RARA: variants seen among roughly 807,000 people sequenced by gnomAD.
RARA encodes PML-DDX5-RARA fusion.
RARA carries 5 observed loss-of-function variants against 42.8 expected under a neutral mutation model. The ratio of observed to expected loss-of-function variants is 0.12; its 90% CI spans 0.06 to 0.25. The LOEUF (loss-of-function observed/expected upper bound fraction) is 0.25. Ranked by LOEUF, RARA falls within the 10% of genes least tolerant of loss-of-function variation. The probability of loss-of-function intolerance (pLI) is 1.00; values close to 1 mark genes in which losing one functional copy is unlikely to be tolerated. For synonymous variants in RARA, 256 were observed against 259.5 expected, an observed-to-expected ratio of 0.99 and a Z score of 0.13; for missense variants, 402 against 628.7, an observed-to-expected ratio of 0.64 and a Z score of 3.86.
chr17:40,338,537 C>T (rs2033925507), intron 2 of RARA, among the ~76,000 whole-genome samples: 1 of 152,098 alleles, frequency 6.6e-6, no homozygotes, highest in South Asian at 2.1e-4. Context: ...AAATCTGTTT[C>T]CTCCTCCTTA....
intron 4 of RARA, 166 bp downstream of exon 4, chr17:40,350,091 C>T: frequency 9.0e-7 from 1 of 1,106,440 alleles, no homozygotes; most frequent in African/African-American, 1.6e-5. Context: ...CTGCAAGGAC[C>T]TGTTTGCGAG....
intron 2 of RARA, among the ~76,000 whole-genome samples, chr17:40,338,788 T>C (rs1324003443): frequency 1.3e-5 from 2 of 150,826 alleles, no homozygotes; most frequent in East Asian, 1.9e-4. Context: ...GGTGGGAGGA[T>C]TGCTTGAGCT....
chr17:40,344,365 T>C (rs893083209), intron 2 of RARA, among the ~76,000 whole-genome samples: 3 of 152,092 alleles, frequency 2.0e-5, no homozygotes, highest in African/African-American at 7.2e-5. Flanking sequence ...AGGACCCTTT[T>C]TCTCATTCTC....
At position 40,352,136 on chromosome 17, in the gene RARA, C is replaced by G. The variant is rs1160930825; in HGVS notation, c.630+66C>G. The stretch of plus-strand genomic sequence containing the variant: ...GGCCACAGGGCCAGGATGGGCCCCT[C>G]TCAGGCACCCCTTCTTGTGCCAGGC... On this transcript the variant is annotated intron_variant, in intron 5 of 8. Transcript: ENST00000254066. The surrounding 1 kb of genome is among the most constrained non-coding windows in gnomAD (Gnocchi z 4.9). The G allele has an allele frequency of 2.7e-6, 4 of 1,475,752 alleles. No individual in the cohort carries two copies. Among genetic ancestry groups the G allele is most frequent in the Non-Finnish European group, 3.6e-6 (4 of 1,116,698 alleles). The allele number at this position is 1,475,752 out of a possible 1,614,324, so 91.4% of individuals were successfully genotyped here. A position where few individuals can be genotyped will look rare whatever the true frequency, so the allele number is the denominator to read the frequency against.
chr17:40,323,836 T>TGG (rs1177221505), intron 1 of RARA, among the ~76,000 whole-genome samples: 1 of 21,550 alleles, frequency 4.6e-5, no homozygotes, highest in Non-Finnish European at 9.4e-5. Context: ...CAGGACTTGG[T>TGG]GGGGGGGTGT....
rs1341849237 is a variant in RARA at position 40,356,400 on chromosome 17, G to A, written c.*174G>A. 1.3e-6 allele frequency: 1 copy of A among 798,428 alleles called. No homozygotes were observed. The highest frequency in any genetic ancestry group is 2.7e-5 in the East Asian group (1 of 37,588). 49.5% of individuals were successfully genotyped at this position (798,428 alleles called of 1,614,324 possible). ...GCAGCGACTCCTTGGACAGAGGCCTGGGCCCTCAGTGGACTGCCTGCTCCC... is the reference window on the plus strand; with the variant it reads ...GCAGCGACTCCTTGGACAGAGGCCTAGGCCCTCAGTGGACTGCCTGCTCCC... On this transcript the variant is annotated 3_prime_UTR_variant, in exon 9 of 9. Coordinates refer to ENST00000254066, the MANE Select transcript of RARA (RefSeq NM_000964.4).
At chr17:40,334,430 G>C (rs2033787502) in intron 2 of RARA, among the ~76,000 whole-genome samples, 1 of 152,172 alleles carries the variant, frequency 6.6e-6, no homozygotes, top group African/African-American at 2.4e-5. Flanking sequence ...CTCTTCTCTG[G>C]GACAAGGTGT....
In RARA at chr17:40,352,165, A is replaced by T; in HGVS notation, c.630+95A>T. 6.8e-7 allele frequency: 1 copy of T among 1,470,966 alleles called. No individual in the cohort carries two copies. Among genetic ancestry groups the T allele is most frequent in the Admixed American group, 2.7e-5 (1 of 36,936 alleles). The allele number at this position is 1,470,966 out of a possible 1,614,324, so 91.1% of individuals were successfully genotyped here. ...GGCACCCCTTCTTGTGCCAGGCAAG[A>T]TCTCTGCGTCCTTCCCTTCCCCTCT... is the stretch of plus-strand genomic sequence containing the variant. On this transcript the variant is annotated intron_variant, in intron 5 of 8. Coordinates refer to ENST00000254066, the MANE Select transcript of RARA (RefSeq NM_000964.4). This position sits in a 1 kb window ranked among gnomAD's most constrained non-coding sequence, Gnocchi z 4.9.
In RARA at chr17:40,354,238, T is replaced by C; in HGVS notation, c.808-64T>C. The stretch of plus-strand genomic sequence containing the variant: ...CTCCGGGAGTGCTGGTGCGGAGTGC[T>C]GGTGCCGAGTGCTCAGAGTGGGTTC... On this transcript the variant is annotated intron_variant, in intron 6 of 8. Transcript: ENST00000254066. The surrounding 1 kb of genome is among the most constrained non-coding windows in gnomAD (Gnocchi z 4.5). The C allele has an allele frequency of 6.6e-7, 1 of 1,509,832 alleles. No homozygotes were observed. The highest frequency in any genetic ancestry group is 1.2e-5 in the South Asian group (1 of 86,290). The allele number at this position is 1,509,832 out of a possible 1,614,324, so 93.5% of individuals were successfully genotyped here.
In RARA at chr17:40,318,945, C is replaced by T. The variant is rs561826066; in HGVS notation, c.-363+9659C>T. On this transcript the variant is annotated intron_variant, in intron 1 of 8. Coordinates refer to ENST00000254066, the MANE Select transcript of RARA (RefSeq NM_000964.4). Reference sequence around the variant, plus strand: ...GGCCGGGCCGGTTCAGCTGGTGTCCCCCGTGGAGTGAGGGGAACCGTCAGA... The same window carrying T: ...GGCCGGGCCGGTTCAGCTGGTGTCCTCCGTGGAGTGAGGGGAACCGTCAGA... Among the ~76,000 whole-genome samples, 750 of 152,302 alleles carry T rather than the reference C, an allele frequency of 4.9e-3. 6 individuals carry two copies. Among genetic ancestry groups the T allele is most frequent in the Non-Finnish European group, 8.4e-3 (570 of 68,008 alleles).
rs766372874 is a variant in RARA at position 40,351,879 on chromosome 17, C to G, written c.470-31C>G. On this transcript the variant is annotated intron_variant, in intron 4 of 8. Transcript: ENST00000254066. The surrounding 1 kb of genome is among the most constrained non-coding windows in gnomAD (Gnocchi z 4.1). ...GGACGAGGCCCTGAGCAGCCTGCAG[C>G]TGCCCTCTTAACCCCCTCTGCCCTC... is the stretch of plus-strand genomic sequence containing the variant. The G allele has an allele frequency of 1.9e-6, 3 of 1,592,712 alleles. No homozygotes were observed. The Admixed American group carries it at 5.7e-5, about 30-fold the overall frequency.
rs1204575191 is a variant in RARA at position 40,352,432 on chromosome 17, G to A, written c.732G>A (p.Lys244=). 16 of 1,613,846 alleles carry A rather than the reference G, an allele frequency of 9.9e-6. No homozygotes were observed. Among genetic ancestry groups the A allele is most frequent in the Non-Finnish European group, 1.4e-5 (16 of 1,179,918 alleles). Residue 244 remains lysine, a synonymous_variant, in exon 6 of 9, where the codon AAG becomes AAA. Transcript: ENST00000254066. This position sits in a 1 kb window ranked among gnomAD's most constrained non-coding sequence, Gnocchi z 4.9. Reference sequence around the variant, plus strand: ...TCATTAAGACTGTGGAGTTCGCCAAGCAGCTGCCCGGCTTCACCACCCTCA... The same window carrying A: ...TCATTAAGACTGTGGAGTTCGCCAAACAGCTGCCCGGCTTCACCACCCTCA... ...KCIIKTVEFA[K]QLPGFTTLTI...
chr17:40,349,645 C>T, intron 3 of RARA, 139 bp from the exon 4 acceptor site: 1 of 1,053,346 alleles, frequency 9.5e-7, no homozygotes, highest in Non-Finnish European at 1.4e-6. Flanking sequence ...CCCAGCTTTT[C>T]TGGCCTGCTC....
intron 2 of RARA, chr17:40,342,937 G>T: frequency 1.3e-6 from 2 of 1,540,644 alleles, no homozygotes; most frequent in Non-Finnish European, 1.7e-6. Context: ...ACTACTACTC[G>T]GGGGTGAGAG....
Position 40,355,950 on chromosome 17 carries a change from G to T in RARA, c.1172-59G>T. The T allele has an allele frequency of 6.9e-7, 1 of 1,458,566 alleles. No homozygotes were observed. The highest frequency in any genetic ancestry group is 2.4e-5 in the East Asian group (1 of 41,336). 90.4% of individuals were successfully genotyped at this position (1,458,566 alleles called of 1,614,324 possible). A position where few individuals can be genotyped will look rare whatever the true frequency, so the allele number is the denominator to read the frequency against. ...TTCCCACCTCGAGCCAGGCTTGCTG[G>T]GGCTGGGGGTGGGAGGGCTGGCCCA... On this transcript the variant is annotated intron_variant, in intron 8 of 8. Coordinates refer to ENST00000254066, the MANE Select transcript of RARA (RefSeq NM_000964.4). The surrounding 1 kb of genome is among the most constrained non-coding windows in gnomAD (Gnocchi z 4.1).
At chr17:40,333,100 A>G (rs2033745239) in intron 2 of RARA, among the ~76,000 whole-genome samples, 1 of 152,140 alleles carries the variant, frequency 6.6e-6, no homozygotes. Context: ...CCGAGGCTGG[A>G]GTGCAGTGGT....
chr17:40,354,648 C>A lies in RARA; in HGVS notation c.1012+142C>A. 1 of 1,052,286 alleles carries A rather than the reference C, an allele frequency of 9.5e-7. No individual in the cohort carries two copies. The highest frequency in any genetic ancestry group is 1.3e-6 in the Non-Finnish European group (1 of 743,108). The allele number at this position is 1,052,286 out of a possible 1,614,324, so 65.2% of individuals were successfully genotyped here. A position where few individuals can be genotyped will look rare whatever the true frequency, so the allele number is the denominator to read the frequency against. On this transcript the variant is annotated intron_variant, in intron 7 of 8. Transcript: ENST00000254066. The surrounding 1 kb of genome is among the most constrained non-coding windows in gnomAD (Gnocchi z 4.5). ...GTCTGCAACTACACAGCAAGGGGGC[C>A]ATGTGGGGCCTGGACTCCTGTTCCC... is the stretch of plus-strand genomic sequence containing the variant.
chr17:40,352,566 C>T lies in RARA; in HGVS notation c.807+59C>T. On this transcript the variant is annotated intron_variant, in intron 6 of 8. Coordinates refer to ENST00000254066, the MANE Select transcript of RARA (RefSeq NM_000964.4). This position sits in a 1 kb window ranked among gnomAD's most constrained non-coding sequence, Gnocchi z 4.9. Reference sequence around the variant, plus strand: ...CCCTGTGTCCTGGGTAGATGTCCTTCCAGCCAGACAGCCACCCTCCTAAAT... The same window carrying T: ...CCCTGTGTCCTGGGTAGATGTCCTTTCAGCCAGACAGCCACCCTCCTAAAT... 7.1e-7 allele frequency: 1 copy of T among 1,409,622 alleles called. No homozygotes were observed. Among genetic ancestry groups the T allele is most frequent in the Non-Finnish European group, 9.5e-7 (1 of 1,050,772 alleles). 87.3% of individuals were successfully genotyped at this position (1,409,622 alleles called of 1,614,324 possible). A position where few individuals can be genotyped will look rare whatever the true frequency, so the allele number is the denominator to read the frequency against.
chr17:40,331,020 G>A lies in RARA; in HGVS notation c.-199G>A. The A allele has an allele frequency of 1.8e-6, 1 of 560,524 alleles. No homozygotes were observed. Among genetic ancestry groups the A allele is most frequent in the South Asian group, 2.5e-5 (1 of 39,236 alleles). The allele number at this position is 560,524 out of a possible 1,614,324, so 34.7% of individuals were successfully genotyped here. A position where few individuals can be genotyped will look rare whatever the true frequency, so the allele number is the denominator to read the frequency against. On this transcript the variant is annotated 5_prime_UTR_variant, in exon 2 of 9. Transcript: ENST00000254066. ...TCTTGAGACATCCCCCAACCCACCT[G>A]GCCCCCAGCTAGGGTGGGGGCTCCA...
Sources: allele counts gnomAD v4.1 joint callset (sites outside exome capture counted in the v4.1 genomes callset), GRCh38; gene constraint gnomAD v4.1.1; non-coding constraint Gnocchi (gnomAD v3.1); transcripts MANE v1.5; gene names NCBI Gene and HGNC (gene_info 2026-07-23, HGNC 2026-07-21).